Variants in FAM81A observed in about 807,000 individuals in gnomAD.
The protein encoded by FAM81A is protein FAM81A.
FAM81A carries 19 observed loss-of-function variants against 46.7 expected under a neutral mutation model. The ratio of observed to expected loss-of-function variants is 0.41; its 90% CI spans 0.28 to 0.60. FAM81A has a LOEUF of 0.60. Ranked by LOEUF, FAM81A falls within the 20% of genes least tolerant of loss-of-function variation. FAM81A has a pLI of 0.34. For synonymous variants in FAM81A, 183 were observed against 152.9 expected (o/e 1.20, Z -1.45); for missense variants, 377 against 453.5 (o/e 0.83, Z 1.53).
At chr15:59,488,715 G>T (rs1032942551) in intron 3 of FAM81A, among the ~76,000 whole-genome samples, 1 of 152,162 alleles carries the variant, frequency 6.6e-6, no homozygotes, top group Non-Finnish European at 1.5e-5. Context: ...TGTGGCTCAC[G>T]CCTATAATCC....
intron 2 of FAM81A, 95 bp from the exon 3 acceptor site, chr15:59,459,838 A>G: frequency 7.0e-7 from 1 of 1,437,874 alleles, no homozygotes; most frequent in Non-Finnish European, 9.2e-7. Context: ...GTAGTTATAG[A>G]TAATTTGTAT....
intron 2 of FAM81A, among the ~76,000 whole-genome samples, chr15:59,417,530 A>G (rs2081152065): frequency 6.8e-6 from 1 of 147,638 alleles, no homozygotes; most frequent in South Asian, 2.3e-4. Flanking sequence ...ACATGGTGAA[A>G]CCCCGTCTCT....
intron 4 of FAM81A, among the ~76,000 whole-genome samples, chr15:59,503,208 C>T (rs1265017132): frequency 2.8e-5 from 4 of 144,598 alleles, no homozygotes; most frequent in African/African-American, 1.0e-4. Flanking sequence ...TGCACTCCAG[C>T]CTGGGCAACA....
intron 2 of FAM81A, among the ~76,000 whole-genome samples, chr15:59,407,464 G>A (rs1196002943): frequency 1.3e-5 from 2 of 151,532 alleles, no homozygotes; most frequent in African/African-American, 4.8e-5. Flanking sequence ...CCGGGTAATT[G>A]TTTTGTATTT....
chr15:59,489,988 A>G (rs1345181545), intron 3 of FAM81A, among the ~76,000 whole-genome samples: 1 of 152,196 alleles, frequency 6.6e-6, no homozygotes, highest in Non-Finnish European at 1.5e-5. Flanking sequence ...GTACAACAAC[A>G]CATTAAACCC....
At chr15:59,411,323 G>C (rs547343397) in intron 2 of FAM81A, among the ~76,000 whole-genome samples, 1 of 152,270 alleles carries the variant, frequency 6.6e-6, no homozygotes, top group African/African-American at 2.4e-5. Context: ...ACTGGACTCA[G>C]AGGAGAAGAT....
intron 2 of FAM81A, among the ~76,000 whole-genome samples, chr15:59,432,566 A>T (rs2081225170): frequency 6.6e-6 from 1 of 152,234 alleles, no homozygotes; most frequent in East Asian, 1.9e-4. Flanking sequence ...CACAGCTGTG[A>T]CATCAGAGGG....
At position 59,445,023 on chromosome 15, in the gene FAM81A, CA is replaced by C. The variant is rs1287358986; in HGVS notation, c.-78+6746del. Reference sequence around the variant, plus strand: ...TAGGAATGTGCTGGTTGATAAATATCAAAAAGCCTAAAATTTTCAGTTGCTA... The same window carrying C: ...TAGGAATGTGCTGGTTGATAAATATCAAAAGCCTAAAATTTTCAGTTGCTA... On this transcript the variant is annotated intron_variant, in intron 1 of 8. Transcript: ENST00000288228. 2.0e-5 allele frequency: 3 copies of C among 152,130 alleles called. No individual in the cohort carries two copies. In the East Asian group the frequency reaches 5.8e-4, roughly 29 times the overall value. 9.4% of individuals were successfully genotyped at this position (152,130 alleles called of 1,614,324 possible). A position where few individuals can be genotyped will look rare whatever the true frequency, so the allele number is the denominator to read the frequency against.
At chr15:59,413,336 G>A (rs1183714737) in intron 2 of FAM81A, among the ~76,000 whole-genome samples, 1 of 151,842 alleles carries the variant, frequency 6.6e-6, no homozygotes, top group Non-Finnish European at 1.5e-5. Flanking sequence ...GGAGGTGGTT[G>A]AGGTGCGAAC....
At chr15:59,490,841 A>G (rs2081972926) in intron 3 of FAM81A, among the ~76,000 whole-genome samples, 2 of 152,208 alleles carry the variant, frequency 1.3e-5, no homozygotes, top group African/African-American at 4.8e-5. Context: ...CTCAAAAAGC[A>G]AACAAACAAA....
chr15:59,517,868 C>G (rs912871976), intron 8 of FAM81A, among the ~76,000 whole-genome samples: 1 of 152,048 alleles, frequency 6.6e-6, no homozygotes, highest in Non-Finnish European at 1.5e-5. Context: ...TTTAACATAC[C>G]ATTGAGGATG....
At chr15:59,459,792 T>G in intron 2 of FAM81A, 141 bp from the exon 3 acceptor site, 3 of 1,259,090 alleles carry the variant, frequency 2.4e-6, no homozygotes, top group Non-Finnish European at 3.2e-6. Context: ...GAAAACTTTT[T>G]TAGGCAGAAA....
chr15:59,516,097 C>T (rs539893281), intron 7 of FAM81A, among the ~76,000 whole-genome samples: 1 of 150,962 alleles, frequency 6.6e-6, no homozygotes. Context: ...GCCATATACA[C>T]TTGTACTTAC....
intron 8 of FAM81A, among the ~76,000 whole-genome samples, chr15:59,518,133 C>T (rs1203407591): frequency 4.0e-5 from 6 of 148,440 alleles, no homozygotes; most frequent in African/African-American, 1.0e-4. Flanking sequence ...ACATCACGGC[C>T]GGCTAATTTT....
intron 1 of FAM81A, among the ~76,000 whole-genome samples, chr15:59,454,372 A>G (rs1380277246): frequency 6.6e-6 from 1 of 152,216 alleles, no homozygotes; most frequent in Non-Finnish European, 1.5e-5. Context: ...TTAAAATGGT[A>G]TGGCAGGTTT....
At chr15:59,502,331 G>A (rs1418351378) in intron 4 of FAM81A, among the ~76,000 whole-genome samples, 19 of 151,068 alleles carry the variant, frequency 1.3e-4, no homozygotes, top group African/African-American at 4.7e-4. Flanking sequence ...ATCCCTTCCC[G>A]CTCCCCCCCC....
chr15:59,443,602 G>A (rs1297473528), intron 1 of FAM81A, among the ~76,000 whole-genome samples: 1 of 152,146 alleles, frequency 6.6e-6, no homozygotes, highest in Non-Finnish European at 1.5e-5. Flanking sequence ...AGTGGAGTGT[G>A]TCCCTTTCAG....
At chr15:59,501,636 G>T (rs1337446689) in intron 4 of FAM81A, among the ~76,000 whole-genome samples, 1 of 152,170 alleles carries the variant, frequency 6.6e-6, no homozygotes, top group Admixed American at 6.5e-5. Context: ...CCCTTTAGAC[G>T]TTTGGGACTC....
At chr15:59,467,240 G>A (rs1276253038) in intron 3 of FAM81A, among the ~76,000 whole-genome samples, 1 of 152,126 alleles carries the variant, frequency 6.6e-6, no homozygotes, top group Non-Finnish European at 1.5e-5. Flanking sequence ...TCAATTCTGT[G>A]AAGAAAGTCA....
Sources: gnomAD v4.1 joint callset for allele counts (sites outside exome capture counted in the v4.1 genomes callset) on GRCh38, gnomAD v4.1.1 for gene constraint, MANE v1.5 for transcripts, NCBI Gene and HGNC (gene_info 2026-07-23, HGNC 2026-07-21) for gene names.